The following PTPRD variants were observed in gnomAD, a reference collection of about 807,000 sequenced individuals.
The protein encoded by PTPRD is receptor-type tyrosine-protein phosphatase delta.
Under a neutral mutation model 214.5 loss-of-function variants are expected in PTPRD, and 34 were observed. The ratio of observed to expected loss-of-function variants is 0.16; its 90% confidence interval spans 0.12 to 0.21. The LOEUF (loss-of-function observed/expected upper bound fraction) is 0.21. PTPRD is among the 10% of genes least tolerant of loss of function. The probability of loss-of-function intolerance (pLI) is 1.00; values close to 1 mark genes in which losing one functional copy is unlikely to be tolerated. For synonymous variants in PTPRD, 1,128 were observed against 845.7 expected (o/e 1.33, Z -5.79); for missense variants, 2,545 against 2,398.7 (o/e 1.06, Z -1.27).
At chr9:10,172,012 G>C (rs557331487) in intron 3 of PTPRD, among the ~76,000 whole-genome samples, 4 of 152,106 alleles carry the variant, frequency 2.6e-5, no homozygotes, top group Admixed American at 6.6e-5. Context: ...AGCCTCATAA[G>C]AATTTATTTC....
intron 11 of PTPRD, among the ~76,000 whole-genome samples, chr9:8,976,503 T>C (rs751640324): frequency 1.3e-5 from 2 of 152,092 alleles, no homozygotes; most frequent in Non-Finnish European, 1.5e-5. Context: ...GAAAAACATA[T>C]ATAAAGTTTG....
chr9:9,497,096 G>C (rs1035247777), intron 8 of PTPRD, among the ~76,000 whole-genome samples: 1 of 152,152 alleles, frequency 6.6e-6, no homozygotes, highest in African/African-American at 2.4e-5. Context: ...TGGGGAGGCA[G>C]AGAATGGGGA....
chr9:9,986,351 A>G (rs2095709985), intron 4 of PTPRD, among the ~76,000 whole-genome samples: 1 of 152,198 alleles, frequency 6.6e-6, no homozygotes, highest in South Asian at 2.1e-4. Flanking sequence ...GTGTCTATCA[A>G]CAGGAAATTA....
intron 9 of PTPRD, among the ~76,000 whole-genome samples, chr9:9,385,847 G>A (rs1380569773): frequency 2.0e-5 from 3 of 152,128 alleles, no homozygotes; most frequent in Non-Finnish European, 2.9e-5. Flanking sequence ...AAGATACATA[G>A]AAGGTAAATG....
At chr9:8,868,177 T>C (rs2217711) in intron 11 of PTPRD, among the ~76,000 whole-genome samples, 128,620 of 152,014 alleles carry the variant, frequency 0.85, 54,482 homozygotes, top group East Asian at 0.97. Context: ...GGGAGTGAAG[T>C]TCTAGCATCT....
At chr9:10,295,246 T>C (rs939290976) in intron 3 of PTPRD, among the ~76,000 whole-genome samples, 34 of 152,194 alleles carry the variant, frequency 2.2e-4, no homozygotes, top group African/African-American at 7.9e-4. Context: ...TATTTTAAGA[T>C]TTCGGTTAAC....
rs1382463255 is a variant in PTPRD at position 9,972,570 on chromosome 9, T to C, written c.-471-33960A>G. On this transcript the variant is annotated intron_variant, in intron 4 of 45. Transcript: ENST00000381196. ...CTTATTGCTACCATAATACATTATA[T>C]ACACATTACAAATATAGTAGCTTGA... Among the ~76,000 whole-genome samples the C allele has an allele frequency of 2.6e-5, 4 of 152,220 alleles. 1 individual carries two copies. The highest frequency in any genetic ancestry group is 2.1e-4 in the South Asian group (1 of 4,830).
At chr9:9,693,244 A>G (rs2097306903) in intron 7 of PTPRD, among the ~76,000 whole-genome samples, 1 of 152,066 alleles carries the variant, frequency 6.6e-6, no homozygotes, top group South Asian at 2.1e-4. Context: ...CTCATCTTGA[A>G]TTGTAATCCC....
At chr9:8,787,080 C>T (rs1313094927) in intron 11 of PTPRD, among the ~76,000 whole-genome samples, 2 of 152,086 alleles carry the variant, frequency 1.3e-5, no homozygotes, top group Non-Finnish European at 2.9e-5. Flanking sequence ...AAGCAATCCT[C>T]CTGTCTCAGC....
intron 11 of PTPRD, among the ~76,000 whole-genome samples, chr9:8,983,991 T>A (rs2099327206): frequency 6.6e-6 from 1 of 152,128 alleles, no homozygotes. Flanking sequence ...ATGAACTTCT[T>A]ACACTGCAAA....
chr9:10,505,308 T>G (rs201464928), intron 2 of PTPRD, among the ~76,000 whole-genome samples: 1 of 152,166 alleles, frequency 6.6e-6, no homozygotes, highest in East Asian at 1.9e-4. Flanking sequence ...ATTTAAAGTT[T>G]AGGTCTCATT....
intron 7 of PTPRD, among the ~76,000 whole-genome samples, chr9:9,624,374 T>C (rs1278937930): frequency 6.6e-6 from 1 of 152,028 alleles, no homozygotes; most frequent in Non-Finnish European, 1.5e-5. Context: ...CCTCAGCCTC[T>C]TGGGTTCAAG....
At chr9:8,415,154 T>C (rs1415786232) in intron 35 of PTPRD, among the ~76,000 whole-genome samples, 1 of 152,152 alleles carries the variant, frequency 6.6e-6, no homozygotes, top group Non-Finnish European at 1.5e-5. Context: ...TAGCTGACCT[T>C]ACCATGATTC....
chr9:10,448,023 G>A (rs1293454547), intron 2 of PTPRD, among the ~76,000 whole-genome samples: 1 of 151,950 alleles, frequency 6.6e-6, no homozygotes, highest in Non-Finnish European at 1.5e-5. Context: ...TGTATAATGT[G>A]TGTAGCTATA....
chr9:9,648,899 T>C (rs1003256638), intron 7 of PTPRD, among the ~76,000 whole-genome samples: 2 of 152,030 alleles, frequency 1.3e-5, no homozygotes, highest in Non-Finnish European at 2.9e-5. Flanking sequence ...AAGATAATGA[T>C]CAAGTAAGCA....
intron 3 of PTPRD, among the ~76,000 whole-genome samples, chr9:10,049,853 C>T (rs1469904846): frequency 6.6e-6 from 1 of 152,132 alleles, no homozygotes; most frequent in Non-Finnish European, 1.5e-5. Context: ...ACATTTACAC[C>T]TGACAAGGGA....
intron 8 of PTPRD, among the ~76,000 whole-genome samples, chr9:9,539,773 G>A (rs537280553): frequency 6.6e-6 from 1 of 151,892 alleles, no homozygotes; most frequent in East Asian, 1.9e-4. Context: ...TTGCTGCTTT[G>A]GTTCAGCATA....
chr9:10,138,778 T>G (rs913834546), intron 3 of PTPRD, among the ~76,000 whole-genome samples: 1 of 152,124 alleles, frequency 6.6e-6, no homozygotes, highest in Admixed American at 6.6e-5. Flanking sequence ...ATTTACCACA[T>G]AAGCCAAATT....
intron 3 of PTPRD, among the ~76,000 whole-genome samples, chr9:10,121,408 A>G (rs961138873): frequency 4.6e-5 from 7 of 152,174 alleles, no homozygotes; most frequent in African/African-American, 1.2e-4. Context: ...ATAGTATTCA[A>G]TATGGAATTG....
Sources: gnomAD v4.1 joint callset for allele counts (sites outside exome capture counted in the v4.1 genomes callset) on GRCh38, gnomAD v4.1.1 for gene constraint, MANE v1.5 for transcripts, NCBI Gene and HGNC (gene_info 2026-07-23, HGNC 2026-07-21) for gene names.